The following CSMD1 variants were observed in gnomAD, a reference collection of about 807,000 sequenced individuals.
The protein encoded by CSMD1 is CUB and Sushi multiple domains 1, also known as CUB and sushi domain-containing protein 1.
Under a neutral mutation model 417.5 loss-of-function variants are expected in CSMD1, and 213 were observed. The ratio of observed to expected loss-of-function variants is 0.51; its 90% CI spans 0.46 to 0.57. The LOEUF is 0.57. Among genes scored for constraint, CSMD1 ranks in the 20% least tolerant of loss-of-function variants. CSMD1 has a pLI of 0.00. For synonymous variants in CSMD1, 2,862 were observed against 1,736.8 expected, an observed-to-expected ratio of 1.65 and a Z score of -16.11; for missense variants, 6,923 against 4,529.7, an observed-to-expected ratio of 1.53 and a Z score of -15.17.
intron 10 of CSMD1, among the ~76,000 whole-genome samples, chr8:3,551,519 C>T (rs1798910345): frequency 6.6e-6 from 1 of 151,004 alleles, no homozygotes; most frequent in Non-Finnish European, 1.5e-5. Flanking sequence ...CTTTACGTCC[C>T]TAACCACTGC....
At chr8:3,288,371 A>G (rs1803306898) in intron 25 of CSMD1, among the ~76,000 whole-genome samples, 1 of 147,208 alleles carries the variant, frequency 6.8e-6, no homozygotes, top group Non-Finnish European at 1.5e-5. Context: ...TTCAGAAGGA[A>G]TGGTACCAGC....
In CSMD1 at chr8:4,033,421, G is replaced by C. The variant is rs578071616; in HGVS notation, c.416-1322C>G. The stretch of plus-strand genomic sequence containing the variant: ...CGCACCACTGCACTCCAGCGTGGGT[G>C]ACAGAGCGAGACTCCGCCTCAAAAA... On this transcript the variant is annotated intron_variant, in intron 3 of 69. Transcript: ENST00000635120. Among the ~76,000 whole-genome samples the C allele has an allele frequency of 5.5e-4, 84 of 152,288 alleles. 2 individuals carry two copies. In the South Asian group the frequency reaches 0.017, roughly 30 times the overall value.
At chr8:3,243,800 T>A (rs987144941) in intron 26 of CSMD1, among the ~76,000 whole-genome samples, 1 of 150,768 alleles carries the variant, frequency 6.6e-6, no homozygotes, top group Non-Finnish European at 1.5e-5. Flanking sequence ...CATTTATATA[T>A]AATTATATGA....
intron 6 of CSMD1, among the ~76,000 whole-genome samples, chr8:3,737,148 G>A (rs1796562073): frequency 1.3e-5 from 2 of 152,186 alleles, no homozygotes; most frequent in Admixed American, 1.3e-4. Context: ...TGGGAACAGA[G>A]ACAATTAGTT....
At chr8:3,867,592 T>TAAAC (rs2129109749) in intron 5 of CSMD1, among the ~76,000 whole-genome samples, 1 of 152,232 alleles carries the variant, frequency 6.6e-6, no homozygotes, top group African/African-American at 2.4e-5. Context: ...ATCTGAAACC[T>TAAAC]AAACAAAAAT....
chr8:4,362,472 C>T (rs532500178), intron 3 of CSMD1, among the ~76,000 whole-genome samples: 24 of 152,166 alleles, frequency 1.6e-4, no homozygotes, highest in Admixed American at 3.9e-4. Context: ...GATAAGATTA[C>T]GGCTTTCTTC....
At position 4,704,798 on chromosome 8, in the gene CSMD1, G is replaced by A. The variant is rs563680457; in HGVS notation, c.86-67240C>T. Among the ~76,000 whole-genome samples the A allele has an allele frequency of 2.0e-5, 3 of 152,276 alleles. No individual in the cohort carries two copies. In the East Asian group the frequency reaches 5.8e-4, roughly 29 times the overall value. ...AAGGGAGTGGCAGTTGTCCTAACCA[G>A]CCTGAGTGAGCTTGGAAGTGCTTCC... On this transcript the variant is annotated intron_variant, in intron 1 of 69. Transcript: ENST00000635120.
chr8:3,491,681 T>C (rs1054105967), intron 11 of CSMD1, among the ~76,000 whole-genome samples: 2 of 152,186 alleles, frequency 1.3e-5, no homozygotes, highest in African/African-American at 4.8e-5. Flanking sequence ...AACAGTTGGC[T>C]AGTGCTTTTT....
chr8:3,974,925 T>G (rs1813330411), intron 5 of CSMD1, among the ~76,000 whole-genome samples: 3 of 152,198 alleles, frequency 2.0e-5, no homozygotes, highest in African/African-American at 7.2e-5. Flanking sequence ...AAAATTATCT[T>G]GATTACTTCG....
chr8:4,250,235 T>A (rs1802972336), intron 3 of CSMD1, among the ~76,000 whole-genome samples: 1 of 152,226 alleles, frequency 6.6e-6, no homozygotes, highest in Non-Finnish European at 1.5e-5. Context: ...AACACAAATG[T>A]ACTAAGACAA....
intron 1 of CSMD1, among the ~76,000 whole-genome samples, chr8:4,912,150 G>T (rs866211190): frequency 0.013 from 1,070 of 80,316 alleles, 16 homozygotes; most frequent in African/African-American, 0.04. Context: ...AAGAAAGAAA[G>T]AAAAGAAAAG....
intron 2 of CSMD1, among the ~76,000 whole-genome samples, chr8:4,565,662 G>T (rs997378935): frequency 6.6e-6 from 1 of 150,854 alleles, no homozygotes; most frequent in Non-Finnish European, 1.5e-5. Flanking sequence ...TTGAACCAAG[G>T]AGGCAGAGGT....
At chr8:3,728,676 G>C (rs1398177445) in intron 6 of CSMD1, among the ~76,000 whole-genome samples, 2 of 151,982 alleles carry the variant, frequency 1.3e-5, no homozygotes, top group Admixed American at 1.3e-4. Flanking sequence ...GAAGGAGAAA[G>C]TAGAAAGAGT....
At chr8:3,740,922 G>A (rs1277950137) in intron 6 of CSMD1, among the ~76,000 whole-genome samples, 1 of 152,026 alleles carries the variant, frequency 6.6e-6, no homozygotes, top group Admixed American at 6.6e-5. Context: ...GGGATCAGAA[G>A]AAGATAGAGG....
intron 1 of CSMD1, among the ~76,000 whole-genome samples, chr8:4,652,737 C>A (rs1211000091): frequency 6.6e-6 from 1 of 152,120 alleles, no homozygotes; most frequent in Non-Finnish European, 1.5e-5. Flanking sequence ...GCAGCAGTCT[C>A]CAGGCTTTTT....
At chr8:3,593,805 C>A (rs1037208620) in intron 8 of CSMD1, among the ~76,000 whole-genome samples, 2 of 151,998 alleles carry the variant, frequency 1.3e-5, no homozygotes, top group Non-Finnish European at 2.9e-5. Flanking sequence ...GGTCATTCTC[C>A]CATCTTTGCC....
chr8:4,106,492 C>G (rs1801575082), intron 3 of CSMD1, among the ~76,000 whole-genome samples: 1 of 152,066 alleles, frequency 6.6e-6, no homozygotes, highest in Non-Finnish European at 1.5e-5. Context: ...TTGAGTAACC[C>G]TGTTCAATAG....
chr8:4,363,362 G>C (rs1232426296), intron 3 of CSMD1, among the ~76,000 whole-genome samples: 1 of 152,142 alleles, frequency 6.6e-6, no homozygotes, highest in African/African-American at 2.4e-5. Context: ...GTATGTGTAT[G>C]CATGTGCGTG....
chr8:4,574,260 C>A (rs972243338), intron 2 of CSMD1, among the ~76,000 whole-genome samples: 5 of 152,158 alleles, frequency 3.3e-5, no homozygotes, highest in African/African-American at 1.2e-4. Context: ...GTGTAGGCAT[C>A]TGAGGGAATT....
Sources: gnomAD v4.1 joint callset for allele counts (sites outside exome capture counted in the v4.1 genomes callset) on GRCh38, gnomAD v4.1.1 for gene constraint, MANE v1.5 for transcripts, NCBI Gene and HGNC (gene_info 2026-07-23, HGNC 2026-07-21) for gene names.